The following ANKRD6 variants were observed in gnomAD, a reference collection of about 807,000 sequenced individuals.
ANKRD6 encodes the protein ankyrin repeat domain 6.
In ANKRD6, 56 loss-of-function variants were observed where a neutral mutation model predicts 82.3. The ratio of observed to expected loss-of-function variants is 0.68; its 90% CI spans 0.55 to 0.85. The LOEUF (loss-of-function observed/expected upper bound fraction) is 0.85. ANKRD6 is among the 40% of genes least tolerant of loss of function. The pLI, the probability that ANKRD6 is intolerant of heterozygous loss-of-function variation, is 0.00. For missense variants in ANKRD6, 852 were observed against 907.6 expected (o/e 0.94, Z 0.79); for synonymous variants, 347 against 352.1 (o/e 0.99, Z 0.16).
At chr6:89,456,063 C>T (rs904930133) in intron 1 of ANKRD6, among the ~76,000 whole-genome samples, 4 of 152,100 alleles carry the variant, frequency 2.6e-5, no homozygotes, top group African/African-American at 9.7e-5. Flanking sequence ...TTAGTAGAGA[C>T]AGGATTTTGT....
At chr6:89,607,041 C>G (rs1286800873) in intron 5 of ANKRD6, among the ~76,000 whole-genome samples, 1 of 151,746 alleles carries the variant, frequency 6.6e-6, no homozygotes, top group Admixed American at 6.6e-5. Flanking sequence ...TGTGGTGGTG[C>G]ATGCCGTCAT....
At chr6:89,515,851 T>G (rs1182696124) in intron 1 of ANKRD6, among the ~76,000 whole-genome samples, 1 of 152,138 alleles carries the variant, frequency 6.6e-6, no homozygotes, top group Non-Finnish European at 1.5e-5. Flanking sequence ...ATCACATATA[T>G]CCTTATAAGA....
intron 1 of ANKRD6, among the ~76,000 whole-genome samples, chr6:89,507,909 G>A (rs1780065830): frequency 6.6e-6 from 1 of 152,016 alleles, no homozygotes; most frequent in Admixed American, 6.5e-5. Flanking sequence ...CTGTAGCTGT[G>A]TCCTAGAATG....
intron 5 of ANKRD6, among the ~76,000 whole-genome samples, chr6:89,611,469 C>T (rs192237653): frequency 1.3e-5 from 2 of 152,222 alleles, no homozygotes; most frequent in African/African-American, 4.8e-5. Context: ...GGGTTATCAG[C>T]GGCCTCACAT....
At chr6:89,564,860 C>CG (rs1016475107) in intron 1 of ANKRD6, among the ~76,000 whole-genome samples, 111 of 150,730 alleles carry the variant, frequency 7.4e-4, no homozygotes, top group African/African-American at 2.4e-3. Flanking sequence ...GGGTAGATGA[C>CG]GGGGGGGAGG....
intron 9 of ANKRD6, among the ~76,000 whole-genome samples, chr6:89,620,884 T>G (rs1349153070): frequency 6.6e-6 from 1 of 152,026 alleles, no homozygotes; most frequent in Non-Finnish European, 1.5e-5. Flanking sequence ...GCTAGCACGG[T>G]GAAACCCCGT....
At chr6:89,459,151 T>C (rs1475401802) in intron 1 of ANKRD6, among the ~76,000 whole-genome samples, 1 of 152,218 alleles carries the variant, frequency 6.6e-6, no homozygotes, top group Non-Finnish European at 1.5e-5. Flanking sequence ...TGATCTCGGC[T>C]CACTGCAACC....
At chr6:89,455,170 C>G (rs1320712303) in intron 1 of ANKRD6, among the ~76,000 whole-genome samples, 1 of 147,204 alleles carries the variant, frequency 6.8e-6, no homozygotes, top group Non-Finnish European at 1.5e-5. Flanking sequence ...TTTTTTTAAT[C>G]TATGTGTTTT....
rs1488346441 is a variant in ANKRD6, at chr6:89,614,844, A to AC, written c.615+954_615+955insC. On this transcript the variant is annotated intron_variant, in intron 7 of 15. Coordinates refer to ENST00000339746, the MANE Select transcript of ANKRD6 (RefSeq NM_001242809.2). The stretch of plus-strand genomic sequence containing the variant: ...AGACCCCGTCTCTTTAAAGGAAAAA[A>AC]AAAAAAACAAAAAAAAAAACCCACC... Among the ~76,000 whole-genome samples, 17 of 147,168 alleles carry AC rather than the reference A, an allele frequency of 1.2e-4. No individual in the cohort carries two copies. The South Asian group carries it at 2.0e-3, about 17-fold the overall frequency.
intron 1 of ANKRD6, among the ~76,000 whole-genome samples, chr6:89,561,691 C>T (rs1787449494): frequency 6.6e-6 from 1 of 152,194 alleles, no homozygotes; most frequent in African/African-American, 2.4e-5. Context: ...TCTGTTGCAG[C>T]CTTACTTGTC....
intron 1 of ANKRD6, among the ~76,000 whole-genome samples, chr6:89,440,807 A>G (rs1356347857): frequency 1.0e-5 from 1 of 99,466 alleles, no homozygotes; most frequent in East Asian, 3.2e-4. Flanking sequence ...TCCCATCTCG[A>G]AAAAAAAAAA....
chr6:89,461,913 A>G (rs1253757168), intron 1 of ANKRD6, among the ~76,000 whole-genome samples: 1 of 152,150 alleles, frequency 6.6e-6, no homozygotes, highest in Non-Finnish European at 1.5e-5. Context: ...CCACAAGCTC[A>G]TTAGAGATAA....
At position 89,612,329 on chromosome 6, in the gene ANKRD6, G is replaced by A. The variant is rs530838661; in HGVS notation, c.475G>A (p.Val159Ile). 1.2e-5 allele frequency: 19 copies of A among 1,565,848 alleles called. No individual in the cohort carries two copies. Among genetic ancestry groups the A allele is most frequent in the Middle Eastern group, 1.7e-4 (1 of 6,004 alleles). The change falls in exon 6 of 16, where the codon GTC (valine) becomes ATC (isoleucine). Residue 159 changes from valine (V) to isoleucine (I), a missense_variant. Physicochemically the swap from Val to Ile is conservative, Grantham distance 29. Coordinates refer to ENST00000339746, the MANE Select transcript of ANKRD6 (RefSeq NM_001242809.2). ...GAACAGCCACTCCCAGAGCACGCGC[G>A]TCCTCCTGCTGGCCGGGTCCCGCGC... is the stretch of plus-strand genomic sequence containing the variant. ...CQNSHSQSTR[V>I]LLLAGSRADL...
At chr6:89,476,772 T>C (rs898721501) in intron 1 of ANKRD6, among the ~76,000 whole-genome samples, 2 of 152,212 alleles carry the variant, frequency 1.3e-5, no homozygotes, top group African/African-American at 4.8e-5. Context: ...CTGTAACTCC[T>C]GTTAATAAAT....
chr6:89,560,234 G>T (rs547452197), intron 1 of ANKRD6, among the ~76,000 whole-genome samples: 9 of 152,206 alleles, frequency 5.9e-5, no homozygotes, highest in African/African-American at 4.8e-5. Flanking sequence ...CTACTTTCCA[G>T]TTCTTCTGGC....
At chr6:89,444,291 T>C (rs854877) in intron 1 of ANKRD6, among the ~76,000 whole-genome samples, 151,782 of 152,316 alleles carry the variant, frequency 1, 75,628 homozygotes, top group Middle Eastern at 1. Flanking sequence ...TAGGAGAGAG[T>C]GGCAGATCAG....
At position 89,631,196 on chromosome 6, in the gene ANKRD6, G is replaced by A. The variant is rs1807330909; in HGVS notation, c.*192G>A. On this transcript the variant is annotated 3_prime_UTR_variant, in exon 16 of 16. Transcript: ENST00000339746. ...TTATGAAGACTTCAACAATTAAACT[G>A]AAACCAGGGGAAGCTTGCTTAGTTT... is the stretch of plus-strand genomic sequence containing the variant. The A allele has an allele frequency of 9.8e-7, 1 of 1,015,986 alleles. No individual in the cohort carries two copies. The highest frequency in any genetic ancestry group is 1.3e-6 in the Non-Finnish European group (1 of 761,688). 62.9% of individuals were successfully genotyped at this position (1,015,986 alleles called of 1,614,324 possible). A position where few individuals can be genotyped will look rare whatever the true frequency, so the allele number is the denominator to read the frequency against.
intron 8 of ANKRD6, 120 bp downstream of exon 8, chr6:89,616,777 C>A: frequency 2.0e-6 from 2 of 993,478 alleles, no homozygotes; most frequent in Non-Finnish European, 3.2e-6. Flanking sequence ...GGGATCTCTG[C>A]TGGAACCACA....
rs147199551 is a variant in ANKRD6, at chr6:89,610,579, A to G, written c.418-1693A>G. ...GGCAATATAAGCTTTGGTATGATCT[A>G]TTTCTAGAGGCATCAGATTTCTTTC... On this transcript the variant is annotated intron_variant, in intron 5 of 15. Transcript: ENST00000339746. Among the ~76,000 whole-genome samples, 197 of 152,146 alleles carry G rather than the reference A, an allele frequency of 1.3e-3. 1 individual carries two copies. The highest frequency in any genetic ancestry group is 4.6e-3 in the African/African-American group (192 of 41,516).
Sources: gnomAD v4.1 joint callset for allele counts (sites outside exome capture counted in the v4.1 genomes callset) on GRCh38, gnomAD v4.1.1 for gene constraint, MANE v1.5 for transcripts, NCBI Gene and HGNC (gene_info 2026-07-23, HGNC 2026-07-21) for gene names.